SFMBT2: variants seen among roughly 807,000 people sequenced by gnomAD.
The protein encoded by SFMBT2 is Scm like with four mbt domains 2.
SFMBT2 carries 38 observed loss-of-function variants against 110.1 expected under a neutral mutation model. That is an observed-to-expected ratio of 0.35 (90% CI 0.27 to 0.45). SFMBT2 has a LOEUF of 0.45. Among genes scored for constraint, SFMBT2 ranks in the 20% least tolerant of loss-of-function variants. The probability of loss-of-function intolerance (pLI) is 1.00; values close to 1 mark genes in which losing one functional copy is unlikely to be tolerated. For missense variants in SFMBT2, 1,011 were observed against 1,094.9 expected, an observed-to-expected ratio of 0.92 and a Z score of 1.08; for synonymous variants, 425 against 425.4, an observed-to-expected ratio of 1.00 and a Z score of 0.01.
In SFMBT2 at chr10:7,171,789, T is replaced by C. The variant is rs1372293388; in HGVS notation, c.2415+106A>G. 2.6e-6 allele frequency: 3 copies of C among 1,164,436 alleles called. No individual in the cohort carries two copies. The highest frequency in any genetic ancestry group is 3.3e-6 in the Non-Finnish European group (3 of 896,270). 72.1% of individuals were successfully genotyped at this position (1,164,436 alleles called of 1,614,324 possible). ...GAACTAGCTAGAGCAGCTGCTGCTG[T>C]TGGAGGTATTTTAAACAGGTTTCCC... On this transcript the variant is annotated intron_variant, in intron 19 of 20. Transcript: ENST00000397167. This position sits in a 1 kb window ranked among gnomAD's most constrained non-coding sequence, Gnocchi z 4.9.
At chr10:7,261,535 G>T (rs79793145) in intron 7 of SFMBT2, among the ~76,000 whole-genome samples, 1 of 152,120 alleles carries the variant, frequency 6.6e-6, no homozygotes, top group Non-Finnish European at 1.5e-5. Context: ...CCCTTTGCCG[G>T]GTGGGGGTTA....
intron 9 of SFMBT2, among the ~76,000 whole-genome samples, chr10:7,228,738 T>TTCTTTCCTTTCTC (rs1840009611): frequency 1.6e-5 from 1 of 62,528 alleles, no homozygotes; most frequent in African/African-American, 7.4e-5. Flanking sequence ...TTTCTTTCCT[T>TTCTTTCCTTTCTC]TCTCTCTCTC....
chr10:7,169,247 TAA>T (rs1234916817), intron 20 of SFMBT2, among the ~76,000 whole-genome samples: 1 of 152,214 alleles, frequency 6.6e-6, no homozygotes, highest in Non-Finnish European at 1.5e-5. Flanking sequence ...ATTACAGGCA[TAA>T]GCCGCCATGG....
At chr10:7,298,642 T>C (rs943970985) in intron 4 of SFMBT2, among the ~76,000 whole-genome samples, 1 of 152,210 alleles carries the variant, frequency 6.6e-6, no homozygotes. Context: ...CATGCATGTG[T>C]ATGTATATGT....
At chr10:7,406,531 T>C (rs1418679374) in intron 1 of SFMBT2, among the ~76,000 whole-genome samples, 1 of 151,370 alleles carries the variant, frequency 6.6e-6, no homozygotes, top group Non-Finnish European at 1.5e-5. Flanking sequence ...AAGTGTTTAG[T>C]ACTCCCAGGA....
chr10:7,383,013 G>A (rs561909300), intron 1 of SFMBT2, among the ~76,000 whole-genome samples: 2 of 152,238 alleles, frequency 1.3e-5, no homozygotes, highest in African/African-American at 2.4e-5. Context: ...AAACCACCAC[G>A]ACCACATGGT....
intron 15 of SFMBT2, among the ~76,000 whole-genome samples, chr10:7,193,230 G>A (rs928703162): frequency 1.8e-4 from 28 of 152,114 alleles, no homozygotes; most frequent in African/African-American, 6.3e-4. Flanking sequence ...CACAAGTGGA[G>A]AGCCCCTGCC....
chr10:7,305,053 C>T lies in SFMBT2; in HGVS notation c.437-19099G>A, dbSNP rs1313192279. ...AGTCCCTCTCCTTCTACAGAAAGAG[C>T]GCCTGTGTTCATTAGTAAAGTATTA... On this transcript the variant is annotated intron_variant, in intron 4 of 20. Transcript: ENST00000397167. 6.6e-5 allele frequency among the ~76,000 whole-genome samples: 10 copies of T among 152,226 alleles called. No individual in the cohort carries two copies. The East Asian group carries it at 7.7e-4, about 12-fold the overall frequency.
intron 2 of SFMBT2, among the ~76,000 whole-genome samples, chr10:7,376,854 CA>C (rs112996489): frequency 4.0e-5 from 5 of 123,590 alleles, no homozygotes; most frequent in Non-Finnish European, 8.2e-5. Flanking sequence ...TGGACAGTGG[CA>C]AAAAAAAAAA....
intron 4 of SFMBT2, among the ~76,000 whole-genome samples, chr10:7,350,876 T>C (rs1844291982): frequency 6.6e-6 from 1 of 152,224 alleles, no homozygotes; most frequent in African/African-American, 2.4e-5. Flanking sequence ...TCAATTATTC[T>C]GCTTTACTAT....
chr10:7,400,213 A>T (rs1051830726), intron 1 of SFMBT2, among the ~76,000 whole-genome samples: 1 of 152,206 alleles, frequency 6.6e-6, no homozygotes, highest in East Asian at 1.9e-4. Context: ...AAGGCCACTG[A>T]AGTTCACAGC....
At chr10:7,377,657 G>A (rs1484326265) in intron 2 of SFMBT2, among the ~76,000 whole-genome samples, 1 of 152,098 alleles carries the variant, frequency 6.6e-6, no homozygotes, top group African/African-American at 2.4e-5. Context: ...TTCACAATAG[G>A]GGTCACACTC....
intron 1 of SFMBT2, among the ~76,000 whole-genome samples, chr10:7,391,374 G>A (rs1027529956): frequency 6.6e-6 from 1 of 151,586 alleles, no homozygotes; most frequent in Non-Finnish European, 1.5e-5. Flanking sequence ...GCTGAGGCAG[G>A]AGAATCGCTT....
chr10:7,325,117 G>A (rs76585773), intron 4 of SFMBT2, among the ~76,000 whole-genome samples: 33,201 of 151,604 alleles, frequency 0.22, 4,031 homozygotes, highest in African/African-American at 0.32. Flanking sequence ...ACAGGTGCCC[G>A]CCACCACGTC....
intron 4 of SFMBT2, among the ~76,000 whole-genome samples, chr10:7,313,740 CCCA>C (rs1397966525): frequency 6.6e-6 from 1 of 152,122 alleles, no homozygotes; most frequent in African/African-American, 2.4e-5. Flanking sequence ...CGCCTTGGCT[CCCA>C]AAGTGCTGGG....
rs1230270072 is a variant in SFMBT2 at position 7,172,326 on chromosome 10, G to T, written c.2152-168C>A. 4 of 985,176 alleles carry T rather than the reference G, an allele frequency of 4.1e-6. No homozygotes were observed. Among genetic ancestry groups the T allele is most frequent in the Non-Finnish European group, 3.6e-6 (3 of 829,658 alleles). 61.0% of individuals were successfully genotyped at this position (985,176 alleles called of 1,614,324 possible). A position where few individuals can be genotyped will look rare whatever the true frequency, so the allele number is the denominator to read the frequency against. On this transcript the variant is annotated intron_variant, in intron 18 of 20. Transcript: ENST00000397167. This position sits in a 1 kb window ranked among gnomAD's most constrained non-coding sequence, Gnocchi z 4.6. ...AGGCCCTTCCCAGCCAAAGCAGCTG[G>T]ACACACTACATTTGTTTTCAGCAAG...
intron 10 of SFMBT2, among the ~76,000 whole-genome samples, chr10:7,226,132 C>G (rs1839890340): frequency 6.6e-6 from 1 of 152,244 alleles, no homozygotes; most frequent in South Asian, 2.1e-4. Context: ...GACTGGGAAC[C>G]ACAAATTCTA....
chr10:7,402,331 T>A (rs1241888935), intron 1 of SFMBT2, among the ~76,000 whole-genome samples: 1 of 152,192 alleles, frequency 6.6e-6, no homozygotes, highest in African/African-American at 2.4e-5. Flanking sequence ...AGCAGGTTTT[T>A]AAACTATACT....
intron 15 of SFMBT2, among the ~76,000 whole-genome samples, chr10:7,194,716 C>T (rs1292597654): frequency 6.6e-6 from 1 of 152,186 alleles, no homozygotes; most frequent in African/African-American, 2.4e-5. Context: ...CACTCACCTA[C>T]TTTTTTGTTT....
Sources: allele counts gnomAD v4.1 joint callset (sites outside exome capture counted in the v4.1 genomes callset), GRCh38; gene constraint gnomAD v4.1.1; non-coding constraint Gnocchi (gnomAD v3.1); transcripts MANE v1.5; gene names NCBI Gene and HGNC (gene_info 2026-07-23, HGNC 2026-07-21).